PKHD1L1: variants seen among roughly 807,000 people sequenced by gnomAD.
PKHD1L1 encodes fibrocystin-L.
Under a neutral mutation model 462.9 loss-of-function variants are expected in PKHD1L1, and 434 were observed. The observed-to-expected ratio is 0.94, with a 90% CI of 0.87 to 1.02. The LOEUF is 1.02. Among genes scored for constraint, PKHD1L1 ranks in the 50% least tolerant of loss-of-function variants. The pLI, the probability that PKHD1L1 is intolerant of heterozygous loss-of-function variation, is 0.00. For missense variants in PKHD1L1, 5,202 were observed against 5,096.1 expected (o/e 1.02, Z -0.63); for synonymous variants, 1,781 against 1,750.0 (o/e 1.02, Z -0.44).
chr8:109,404,807 T>G, intron 15 of PKHD1L1, 94 bp downstream of exon 15: 1 of 1,306,486 alleles, frequency 7.7e-7, no homozygotes, highest in Non-Finnish European at 1.0e-6. Context: ...GATACTGTTT[T>G]AGGTGAAAGC....
chr8:109,408,451 TGCC>T (rs1813675423), intron 18 of PKHD1L1, among the ~76,000 whole-genome samples: 1 of 152,170 alleles, frequency 6.6e-6, no homozygotes, highest in South Asian at 2.1e-4. Flanking sequence ...TCCAAAGCCT[TGCC>T]CTGCCTATGT....
chr8:109,381,180 T>C (rs1812094978), intron 2 of PKHD1L1, among the ~76,000 whole-genome samples, 190 bp from the exon 3 acceptor site: 1 of 152,084 alleles, frequency 6.6e-6, no homozygotes, highest in Non-Finnish European at 1.5e-5. Flanking sequence ...CTTTTATGAG[T>C]AAATGAATTA....
chr8:109,433,158 T>C lies in PKHD1L1; in HGVS notation c.3282T>C (p.Pro1094=). Residue 1094 remains proline (P), a synonymous_variant, in exon 28 of 78, where the codon CCT becomes CCC. Transcript: ENST00000378402. ...CCATAGTGGGTTCTGGATTTTCTCC[T>C]AGTTCAGCTGTAACAGTCTCAGTTG... The part of the protein sequence containing the change: ...ILTIVGSGFS[P]SSAVTVSVGP... The C allele has an allele frequency of 6.2e-7, 1 of 1,613,658 alleles. No homozygotes were observed. Among genetic ancestry groups the C allele is most frequent in the Non-Finnish European group, 8.5e-7 (1 of 1,179,678 alleles).
intron 8 of PKHD1L1, 102 bp from the exon 9 acceptor site, chr8:109,390,350 T>A: frequency 3.4e-6 from 2 of 586,292 alleles, no homozygotes; most frequent in Non-Finnish European, 5.4e-6. Context: ...ACAATTTTGA[T>A]TTTGTACTTT....
rs772708844 is a variant in PKHD1L1 at position 109,477,365 on chromosome 8, C to A, written c.9058C>A (p.Pro3020Thr). The change falls in exon 53 of 78, where the codon CCA (proline) becomes ACA (threonine). Residue 3020 changes from proline to threonine, a missense_variant. Coordinates refer to ENST00000378402, the MANE Select transcript of PKHD1L1 (RefSeq NM_177531.6). ...CFPVHPPSRKPIPKKRPATYN... is the reference protein window; with the variant it reads ...CFPVHPPSRKTIPKKRPATYN... ...TCCTGTACATCCGCCATCAAGAAAA[C>A]CAATTCCCAAGAAGCGACCAGCCAC... The A allele has an allele frequency of 1.3e-5, 21 of 1,613,382 alleles. 2 individuals are homozygous for A. In the South Asian group the frequency reaches 1.9e-4, roughly 14 times the overall value.
In PKHD1L1 at chr8:109,456,381, A is replaced by G; in HGVS notation, c.6994A>G (p.Thr2332Ala). ...AGGAGATAACATTGTAATTGCAAGC[A>G]CAGGACACAGGTATGATATCTTCTG... ...KPGDNIVIASTGHRHSQGENE... is the reference protein window; with the variant it reads ...KPGDNIVIASAGHRHSQGENE... The change falls in exon 46 of 78, where the codon ACA becomes GCA. Residue 2332 changes from threonine (T) to alanine (A), a missense_variant. Transcript: ENST00000378402. 2 of 1,605,388 alleles carry G rather than the reference A, an allele frequency of 1.2e-6. No homozygotes were observed. The highest frequency in any genetic ancestry group is 1.7e-6 in the Non-Finnish European group (2 of 1,175,416).
intron 21 of PKHD1L1, 81 bp from the exon 22 acceptor site, chr8:109,419,016 T>C (rs1169221383): frequency 1.6e-6 from 2 of 1,258,984 alleles, no homozygotes; most frequent in Non-Finnish European, 2.2e-6. Flanking sequence ...TTTTACTCTA[T>C]AAAATTTTAA....
chr8:109,464,212 A>T lies in PKHD1L1; in HGVS notation c.7384-4A>T. The T allele has an allele frequency of 6.4e-7, 1 of 1,572,962 alleles. No homozygotes were observed. The highest frequency in any genetic ancestry group is 8.7e-7 in the Non-Finnish European group (1 of 1,154,358). On this transcript the variant is annotated splice_region_variant and splice_polypyrimidine_tract_variant and intron_variant, in intron 48 of 77. Coordinates refer to ENST00000378402, the MANE Select transcript of PKHD1L1 (RefSeq NM_177531.6). ...TAAATAACTGTGATTTCTGGGCTTA[A>T]CAGGTATTCCATGCTGGCCAGGCTT...
At position 109,448,340 on chromosome 8, in the gene PKHD1L1, A is replaced by T; in HGVS notation, c.5974A>T (p.Thr1992Ser). Residue 1992 changes from threonine to serine, a missense_variant, in exon 39 of 78, where the codon ACA (threonine) becomes TCA (serine). Around this residue, in one of 3 missense-constraint regions of PKHD1L1, gnomAD observed 4,497 missense variants for 4,336.8 expected, o/e 1.04. Coordinates refer to ENST00000378402, the MANE Select transcript of PKHD1L1 (RefSeq NM_177531.6). ...TAAGACAAAAGGCTCAGCCATGTCC[A>T]CAGTTGTATTTGAGTACCCGCTTAA... ...HHKTKGSAMS[T>S]VVFEYPLNIQ... 6.2e-7 allele frequency: 1 copy of T among 1,613,774 alleles called. No individual in the cohort carries two copies. The highest frequency in any genetic ancestry group is 8.5e-7 in the Non-Finnish European group (1 of 1,179,774).
intron 24 of PKHD1L1, 38 bp from the exon 25 acceptor site, chr8:109,426,964 T>A: frequency 8.7e-7 from 1 of 1,149,328 alleles, no homozygotes; most frequent in South Asian, 1.2e-5. Context: ...GTTTGTGAAT[T>A]GTGACTCCTG....
At chr8:109,381,542 T>C in intron 3 of PKHD1L1, 28 bp downstream of exon 3, 1 of 1,455,492 alleles carries the variant, frequency 6.9e-7, no homozygotes, top group Non-Finnish European at 9.4e-7. Flanking sequence ...TTTAATAAAA[T>C]CATTTTCATC....
In PKHD1L1 at chr8:109,444,786, C is replaced by G; in HGVS notation, c.4917C>G (p.Asn1639Lys). 6.2e-7 allele frequency: 1 copy of G among 1,613,996 alleles called. No individual in the cohort carries two copies. The highest frequency in any genetic ancestry group is 8.5e-7 in the Non-Finnish European group (1 of 1,179,884). ...IRETVTLTVY[N>K]LGTAINTLSN... ...AAACTGTCACTTTGACTGTCTACAACCTGGGCACTGCTATCAATACGTTGT... is the reference window on the plus strand; with the variant it reads ...AAACTGTCACTTTGACTGTCTACAAGCTGGGCACTGCTATCAATACGTTGT... The change falls in exon 38 of 78, where the codon AAC becomes AAG. Residue 1639 changes from asparagine (N) to lysine (K), a missense_variant. Physicochemically the swap from Asn to Lys is moderately conservative, Grantham distance 94 (BLOSUM62 0). This residue lies in a region of PKHD1L1 where 4,497 missense variants were observed against 4,336.8 expected (regional missense o/e 1.04). Coordinates refer to ENST00000378402, the MANE Select transcript of PKHD1L1 (RefSeq NM_177531.6).
Position 109,527,006 on chromosome 8 carries a change from T to C in PKHD1L1, c.12707T>C (p.Leu4236Ser), listed in dbSNP as rs190388829. 52 of 1,608,248 alleles carry C rather than the reference T, an allele frequency of 3.2e-5. 1 individual carries two copies. In the Middle Eastern group the frequency reaches 5.0e-4, roughly 15 times the overall value. The change falls in exon 77 of 78, where the codon TTG (leucine) becomes TCG (serine). Residue 4236 changes from leucine to serine, a missense_variant. Coordinates refer to ENST00000378402, the MANE Select transcript of PKHD1L1 (RefSeq NM_177531.6). Reference protein sequence around the residue: ...LEIFMAAVSTLNITLRSY With the variant: ...LEIFMAAVSTSNITLRSY ...ATATTTATGGCTGCAGTTTCAACTTTGAATATAACTTTAAGTAAGTACAGT... is the reference window on the plus strand; with the variant it reads ...ATATTTATGGCTGCAGTTTCAACTTCGAATATAACTTTAAGTAAGTACAGT...
rs1008904630 is a variant in PKHD1L1 at position 109,438,917 on chromosome 8, A to C, written c.3781A>C (p.Lys1261Gln). 5 of 1,610,286 alleles carry C rather than the reference A, an allele frequency of 3.1e-6. No homozygotes were observed. The highest frequency in any genetic ancestry group is 4.2e-6 in the Non-Finnish European group (5 of 1,178,292). The change falls in exon 32 of 78, where the codon AAG (lysine) becomes CAG (glutamine). Residue 1261 changes from lysine to glutamine, a missense_variant. Lys to Gln is a moderately conservative substitution (Grantham distance 53, BLOSUM62 1). Coordinates refer to ENST00000378402, the MANE Select transcript of PKHD1L1 (RefSeq NM_177531.6). ...ACCAGGAGAAGTTAATTTAACAATT[A>C]AGGGCTATAATTTTGGAAATGAACT... ...TILGEVNLTI[K>Q]GYNFGNELTQ...
At chr8:109,490,691 A>G (rs1818780871) in intron 60 of PKHD1L1, among the ~76,000 whole-genome samples, 1 of 151,814 alleles carries the variant, frequency 6.6e-6, no homozygotes, top group South Asian at 2.1e-4. Flanking sequence ...AAGTGATAAT[A>G]GGAATATAAA....
chr8:109,433,322 C>A, intron 28 of PKHD1L1, 106 bp downstream of exon 28: 1 of 984,790 alleles, frequency 1.0e-6, no homozygotes, highest in Non-Finnish European at 1.6e-6. Flanking sequence ...TATCATGATC[C>A]AGTATTACAA....
chr8:109,527,012 T>C lies in PKHD1L1; in HGVS notation c.12713T>C (p.Ile4238Thr), dbSNP rs746930751. ...ATGGCTGCAGTTTCAACTTTGAATA[T>C]AACTTTAAGTAAGTACAGTCCATTA... ...IFMAAVSTLN[I>T]TLRSY The change falls in exon 77 of 78, where the codon ATA becomes ACA. Residue 4238 changes from isoleucine to threonine, a missense_variant. By Grantham distance (89) the Ile-to-Thr change is moderately conservative (BLOSUM62 -1). Around this residue, in one of 3 missense-constraint regions of PKHD1L1, gnomAD observed 698 missense variants for 736.3 expected, o/e 0.95. Transcript: ENST00000378402. 1.6e-5 allele frequency: 26 copies of C among 1,601,808 alleles called. No homozygotes were observed. Among genetic ancestry groups the C allele is most frequent in the Non-Finnish European group, 1.7e-6 (2 of 1,169,698 alleles).
intron 72 of PKHD1L1, among the ~76,000 whole-genome samples, chr8:109,516,937 G>A (rs1211168558): frequency 1.3e-5 from 2 of 152,068 alleles, no homozygotes; most frequent in African/African-American, 4.8e-5. Flanking sequence ...ATTTCATTGT[G>A]AGGCTTATTA....
intron 27 of PKHD1L1, among the ~76,000 whole-genome samples, chr8:109,431,880 G>A (rs919635907): frequency 1.3e-5 from 2 of 151,920 alleles, no homozygotes; most frequent in Non-Finnish European, 2.9e-5. Context: ...ATGAGTATTC[G>A]GTTTACTAGA....
Sources: allele counts gnomAD v4.1 joint callset (sites outside exome capture counted in the v4.1 genomes callset), GRCh38; gene constraint gnomAD v4.1.1; regional missense constraint gnomAD v4.1.1; transcripts MANE v1.5; gene names NCBI Gene and HGNC (gene_info 2026-07-23, HGNC 2026-07-21).